SAMD5: variants seen among roughly 807,000 people sequenced by gnomAD.
SAMD5 encodes sterile alpha motif domain-containing protein 5.
In SAMD5, 13 loss-of-function variants were observed where a neutral mutation model predicts 11.3. That is an observed-to-expected ratio of 1.15 (90% CI 0.75 to 1.83). SAMD5 has a LOEUF of 1.83. Among genes scored for constraint, SAMD5 ranks in the 40% most tolerant of loss-of-function variants. The pLI, the probability that SAMD5 is intolerant of heterozygous loss-of-function variation, is 0.00. For missense variants in SAMD5, 255 were observed against 239.1 expected, an observed-to-expected ratio of 1.07 and a Z score of -0.44; for synonymous variants, 129 against 111.3, an observed-to-expected ratio of 1.16 and a Z score of -1.00.
chr6:147,544,509 T>G (rs1788655179), intron 1 of SAMD5, among the ~76,000 whole-genome samples: 1 of 152,196 alleles, frequency 6.6e-6, no homozygotes, highest in African/African-American at 2.4e-5. Flanking sequence ...TGTATTCATT[T>G]CTTATATTCA....
the SAMD5 span, among the ~76,000 whole-genome samples, chr6:147,884,141 C>T: frequency 6.6e-6 from 1 of 151,468 alleles, no homozygotes; most frequent in Non-Finnish European, 1.5e-5. Context: ...TGGAGTTTCT[C>T]CTTACAATAG....
the SAMD5 span, among the ~76,000 whole-genome samples, chr6:147,937,909 GC>G: frequency 2.6e-5 from 4 of 152,000 alleles, no homozygotes; most frequent in Non-Finnish European, 5.9e-5. Context: ...AACATACACA[GC>G]TTTTCTAGGG....
At chr6:147,527,258 C>G (rs1788356990) in intron 1 of SAMD5, among the ~76,000 whole-genome samples, 1 of 152,042 alleles carries the variant, frequency 6.6e-6, no homozygotes, top group Non-Finnish European at 1.5e-5. Flanking sequence ...ACAGGCTGTA[C>G]AGGAAGCATG....
chr6:147,579,454 ATTTTTTTTTTTTTTTTT>A (rs3031353), intron 1 of SAMD5, among the ~76,000 whole-genome samples: 2 of 76,918 alleles, frequency 2.6e-5, no homozygotes, highest in African/African-American at 1.1e-4. Context: ...CAGGCTTTGA[ATTTTTTTTTTTTTTTTT>A]TTTTTTTTTT....
At chr6:147,662,015 T>C (rs951123678) in intron 1 of SAMD5, among the ~76,000 whole-genome samples, 1 of 152,190 alleles carries the variant, frequency 6.6e-6, no homozygotes, top group Non-Finnish European at 1.5e-5. Flanking sequence ...AGTTCTTCCT[T>C]GACTCATTTC....
chr6:147,722,224 A>G (rs890664114), intron 1 of SAMD5, among the ~76,000 whole-genome samples: 1 of 152,216 alleles, frequency 6.6e-6, no homozygotes, highest in East Asian at 1.9e-4. Context: ...GAATGAGCTC[A>G]ATGATATGCA....
chr6:147,852,502 A>T, the SAMD5 span, among the ~76,000 whole-genome samples: 40 of 152,296 alleles, frequency 2.6e-4, no homozygotes, highest in African/African-American at 9.4e-4. Flanking sequence ...ATTTCTAATA[A>T]TAAAATTTTC....
the SAMD5 span, among the ~76,000 whole-genome samples, chr6:147,946,432 C>G: frequency 6.6e-6 from 1 of 152,126 alleles, no homozygotes; most frequent in African/African-American, 2.4e-5. Context: ...CATCTAAGAA[C>G]TTTTTCATGG....
chr6:147,804,457 A>G, the SAMD5 span, among the ~76,000 whole-genome samples: 2 of 152,176 alleles, frequency 1.3e-5, no homozygotes, highest in Admixed American at 6.5e-5. Flanking sequence ...GCACCTCCAG[A>G]ACAAAGTCCT....
At chr6:147,582,737 T>G (rs912890695) in intron 1 of SAMD5, among the ~76,000 whole-genome samples, 56 of 152,346 alleles carry the variant, frequency 3.7e-4, no homozygotes, top group Non-Finnish European at 7.2e-4. Flanking sequence ...CTATTGGAAG[T>G]GCATGATTCT....
chr6:147,789,584 G>A, the SAMD5 span, among the ~76,000 whole-genome samples: 4 of 151,896 alleles, frequency 2.6e-5, no homozygotes, highest in Admixed American at 2.6e-4. Flanking sequence ...ACATGTCTTG[G>A]CACATTTATT....
intron 1 of SAMD5, among the ~76,000 whole-genome samples, chr6:147,535,463 A>T (rs546279484): frequency 3.2e-4 from 49 of 152,352 alleles, no homozygotes; most frequent in African/African-American, 1.1e-3. Context: ...AACTGCAGAA[A>T]AAGCCTTAAG....
intron 1 of SAMD5, among the ~76,000 whole-genome samples, chr6:147,630,204 T>C (rs4618549): frequency 0.48 from 72,331 of 151,936 alleles, 17,693 homozygotes; most frequent in Middle Eastern, 0.57. Flanking sequence ...CCGCCTCAGC[T>C]TCCCAAAGTG....
chr6:147,792,733 A>C, the SAMD5 span, among the ~76,000 whole-genome samples: 3 of 152,172 alleles, frequency 2.0e-5, no homozygotes, highest in Non-Finnish European at 4.4e-5. Flanking sequence ...GAAAGTAAGG[A>C]AGTACTCAAG....
the SAMD5 span, among the ~76,000 whole-genome samples, chr6:147,864,838 C>T: frequency 6.6e-6 from 1 of 152,148 alleles, no homozygotes; most frequent in Non-Finnish European, 1.5e-5. Context: ...ATAAGGTCCT[C>T]TGTGCTAAGT....
intron 1 of SAMD5, among the ~76,000 whole-genome samples, chr6:147,609,253 T>A (rs1048125502): frequency 6.6e-6 from 1 of 152,074 alleles, no homozygotes; most frequent in Non-Finnish European, 1.5e-5. Context: ...AAAAAGGAAA[T>A]CTGGGGCCAG....
At chr6:147,767,158 A>G in the SAMD5 span, among the ~76,000 whole-genome samples, 1 of 152,254 alleles carries the variant, frequency 6.6e-6, no homozygotes, top group Admixed American at 6.5e-5. Context: ...ATTCACTACC[A>G]TGACAGAAAG....
the SAMD5 span, among the ~76,000 whole-genome samples, chr6:147,868,680 A>G: frequency 6.6e-6 from 1 of 152,242 alleles, no homozygotes; most frequent in African/African-American, 2.4e-5. Flanking sequence ...AGTCTGTGAC[A>G]GTTATTTTTA....
the SAMD5 span, among the ~76,000 whole-genome samples, chr6:147,938,748 A>G: frequency 6.6e-6 from 1 of 152,296 alleles, no homozygotes; most frequent in African/African-American, 2.4e-5. Flanking sequence ...GGTTGCTTGA[A>G]CTGGGTGAAT....
Sources: gnomAD v4.1 joint callset for allele counts (sites outside exome capture counted in the v4.1 genomes callset) on GRCh38, gnomAD v4.1.1 for gene constraint, MANE v1.5 for transcripts, NCBI Gene and HGNC (gene_info 2026-07-23, HGNC 2026-07-21) for gene names.